Variants in NEDD9 observed in about 807,000 individuals in gnomAD.
NEDD9 encodes enhancer of filamentation 1.
Under a neutral mutation model 76.6 loss-of-function variants are expected in NEDD9, and 26 were observed. The observed-to-expected ratio is 0.34, with a 90% CI of 0.25 to 0.47. The LOEUF is 0.47. NEDD9 is among the 20% of genes least tolerant of loss of function. NEDD9 has a pLI of 1.00. For missense variants in NEDD9, 937 were observed against 1,058.5 expected (o/e 0.89, Z 1.59); for synonymous variants, 392 against 414.2 (o/e 0.95, Z 0.65).
intron 1 of NEDD9, among the ~76,000 whole-genome samples, chr6:11,228,648 A>G (rs111574227): frequency 0.015 from 2,337 of 152,272 alleles, 65 homozygotes; most frequent in African/African-American, 0.053. Flanking sequence ...CCCAGCAAGG[A>G]AAGGATGCTA....
In NEDD9 at chr6:11,184,029, T is replaced by C. The variant is rs1581937625; in HGVS notation, c.*1133A>G. ...GGTTATACACACTGGCCACAGGAAG[T>C]TGCAAAAATTAGATGGACTCTGTGT... On this transcript the variant is annotated 3_prime_UTR_variant, in exon 7 of 7. Transcript: ENST00000379446. 1 of 152,160 alleles carries C rather than the reference T, an allele frequency of 6.6e-6. No individual in the cohort carries two copies. The highest frequency in any genetic ancestry group is 2.4e-5 in the African/African-American group (1 of 41,414). 9.4% of individuals were successfully genotyped at this position (152,160 alleles called of 1,614,324 possible). A position where few individuals can be genotyped will look rare whatever the true frequency, so the allele number is the denominator to read the frequency against.
intron 1 of NEDD9, among the ~76,000 whole-genome samples, chr6:11,232,077 T>G (rs1759483841): frequency 6.6e-6 from 1 of 152,072 alleles, no homozygotes; most frequent in Non-Finnish European, 1.5e-5. Context: ...AACTTTGCAC[T>G]AAGAGCCAGT....
chr6:11,298,822 T>A lies in NEDD9; in HGVS notation c.12+7170A>T, dbSNP rs144323522. Among the ~76,000 whole-genome samples, 245 of 152,314 alleles carry A rather than the reference T, an allele frequency of 1.6e-3. No homozygotes were observed. In the South Asian group the frequency reaches 0.018, roughly 11 times the overall value. On this transcript the variant is annotated intron_variant, in intron 3 of 3. Coordinates refer to the NEDD9 transcript ENST00000397378. ...AGAATCTAGTACTAGCGAGGATTGT[T>A]AAGAGGTCATTACCTTGACCTTAAA...
chr6:11,200,728 G>T, intron 2 of NEDD9: 1 of 1,345,516 alleles, frequency 7.4e-7, no homozygotes, highest in Non-Finnish European at 9.5e-7. Flanking sequence ...GCAGCAAATG[G>T]TAAGAGACAG....
intron 3 of NEDD9, among the ~76,000 whole-genome samples, chr6:11,276,401 G>A (rs78170999): frequency 0.071 from 10,869 of 152,232 alleles, 409 homozygotes; most frequent in Middle Eastern, 0.14. Context: ...GCGTGCATGT[G>A]TGTGTGCACG....
intron 2 of NEDD9, among the ~76,000 whole-genome samples, chr6:11,308,527 G>T (rs1016996035): frequency 6.6e-6 from 1 of 151,696 alleles, no homozygotes; most frequent in Non-Finnish European, 1.5e-5. Context: ...CCGCCACTAC[G>T]CTGGGCTAAT....
chr6:11,237,121 C>T (rs578087558), upstream of NEDD9, among the ~76,000 whole-genome samples: 3 of 152,298 alleles, frequency 2.0e-5, no homozygotes, highest in East Asian at 1.9e-4. This position sits in a 1 kb window ranked among gnomAD's most constrained non-coding sequence, Gnocchi z 4.9. Flanking sequence ...GCCCACCTCG[C>T]CCTTTCAGAA....
chr6:11,243,803 A>G (rs1759755565), intron 3 of NEDD9, among the ~76,000 whole-genome samples: 1 of 152,034 alleles, frequency 6.6e-6, no homozygotes, highest in Non-Finnish European at 1.5e-5. Context: ...TGACAATCAC[A>G]TCTCCCAACC....
intron 3 of NEDD9, among the ~76,000 whole-genome samples, chr6:11,289,699 C>A (rs937801501): frequency 2.6e-5 from 4 of 152,146 alleles, no homozygotes; most frequent in Non-Finnish European, 5.9e-5. Flanking sequence ...GATCTGCCTG[C>A]CTCAGCTTCC....
chr6:11,218,789 A>G (rs991163927), intron 1 of NEDD9, among the ~76,000 whole-genome samples: 4 of 152,168 alleles, frequency 2.6e-5, no homozygotes, highest in African/African-American at 9.7e-5. Context: ...CAAGTCACTC[A>G]AGCCTCACAG....
At chr6:11,264,898 T>C (rs570365768) in intron 3 of NEDD9, among the ~76,000 whole-genome samples, 1 of 152,338 alleles carries the variant, frequency 6.6e-6, no homozygotes, top group African/African-American at 2.4e-5. Flanking sequence ...GGGGTCTTAC[T>C]GTATTGCCCA....
intron 1 of NEDD9, among the ~76,000 whole-genome samples, chr6:11,232,238 T>G (rs369276961): frequency 5.6e-4 from 86 of 152,262 alleles, no homozygotes; most frequent in Non-Finnish European, 1.0e-3. Flanking sequence ...GTGAAGCGGC[T>G]CCAAGTCTTA....
At position 11,183,414 on chromosome 6, in the gene NEDD9, C is replaced by T. The variant is rs1182874100; in HGVS notation, c.*1748G>A. On this transcript the variant is annotated 3_prime_UTR_variant, in exon 7 of 7. Coordinates refer to ENST00000379446, the MANE Select transcript of NEDD9 (RefSeq NM_006403.4). ...AAAAATGTGAAATGTCTCCACTTAG[C>T]GTAGATCAATCAAGTCAGCCATCTC... is the stretch of plus-strand genomic sequence containing the variant. 2 of 152,158 alleles carry T rather than the reference C, an allele frequency of 1.3e-5. No individual in the cohort carries two copies. The highest frequency in any genetic ancestry group is 1.9e-4 in the East Asian group (1 of 5,204). The allele number at this position is 152,158 out of a possible 1,614,324, so 9.4% of individuals were successfully genotyped here.
intron 2 of NEDD9, among the ~76,000 whole-genome samples, chr6:11,333,115 A>C (rs1227255719): frequency 3.3e-5 from 5 of 152,090 alleles, no homozygotes; most frequent in South Asian, 2.1e-4. Context: ...TTTTCCCATG[A>C]GTCTACTGTC....
chr6:11,247,092 A>G (rs966051101), intron 3 of NEDD9, among the ~76,000 whole-genome samples: 71 of 152,298 alleles, frequency 4.7e-4, no homozygotes, highest in African/African-American at 1.6e-3. Flanking sequence ...ACACTGCCAC[A>G]TGAAATGAAA....
intron 1 of NEDD9, among the ~76,000 whole-genome samples, chr6:11,339,130 T>C (rs187076792): frequency 1.1e-3 from 160 of 152,330 alleles, no homozygotes; most frequent in African/African-American, 3.7e-3. Flanking sequence ...CCTTTGTGTG[T>C]GCAACCTTAT....
intron 2 of NEDD9, chr6:11,207,471 G>A (rs1339001939): frequency 6.6e-6 from 1 of 152,194 alleles, no homozygotes; most frequent in Non-Finnish European, 1.5e-5. Context: ...GAATGGGCCT[G>A]GAAGACCTGG....
Position 11,185,015 on chromosome 6 carries a change from T to G in NEDD9, c.*147A>C, listed in dbSNP as rs1341038876. The G allele has an allele frequency of 2.1e-5, 22 of 1,048,244 alleles. No homozygotes were observed. The highest frequency in any genetic ancestry group is 2.7e-4 in the Middle Eastern group (1 of 3,734). 64.9% of individuals were successfully genotyped at this position (1,048,244 alleles called of 1,614,324 possible). Reference sequence around the variant, plus strand: ...TTCCCTCTCCAGCTCCCTGAATTTCTGAAAGTTGACTGACCCATAAAATGT... The same window carrying G: ...TTCCCTCTCCAGCTCCCTGAATTTCGGAAAGTTGACTGACCCATAAAATGT... On this transcript the variant is annotated 3_prime_UTR_variant, in exon 7 of 7. Coordinates refer to ENST00000379446, the MANE Select transcript of NEDD9 (RefSeq NM_006403.4).
intron 1 of NEDD9, among the ~76,000 whole-genome samples, chr6:11,358,645 G>C (rs1427231453): frequency 6.6e-6 from 1 of 152,204 alleles, no homozygotes; most frequent in Non-Finnish European, 1.5e-5. Context: ...GTGGTTGACA[G>C]GGTGGTTGGA....
Sources: gnomAD v4.1 joint callset for allele counts (sites outside exome capture counted in the v4.1 genomes callset) on GRCh38, gnomAD v4.1.1 for gene constraint, Gnocchi (gnomAD v3.1) non-coding constraint, MANE v1.5 for transcripts, NCBI Gene and HGNC (gene_info 2026-07-23, HGNC 2026-07-21) for gene names.